The following NFXL1 variants were observed in gnomAD, a reference collection of about 807,000 sequenced individuals.
NFXL1 encodes NF-X1-type zinc finger protein NFXL1.
NFXL1 carries 66 observed loss-of-function variants against 123.3 expected under a neutral mutation model. That is an observed-to-expected ratio of 0.54 (90% CI 0.44 to 0.66). The LOEUF is 0.66. Among genes scored for constraint, NFXL1 ranks in the 30% least tolerant of loss-of-function variants. NFXL1 has a pLI of 0.00. For synonymous variants in NFXL1, 346 were observed against 360.8 expected, an observed-to-expected ratio of 0.96 and a Z score of 0.46; for missense variants, 944 against 1,125.6, an observed-to-expected ratio of 0.84 and a Z score of 2.31.
intron 15 of NFXL1, among the ~76,000 whole-genome samples, chr4:47,881,462 G>A (rs1012167773): frequency 6.6e-6 from 1 of 152,124 alleles, no homozygotes; most frequent in Admixed American, 6.6e-5. Flanking sequence ...TTAGTAAACT[G>A]TTTGACAGCT....
At chr4:47,877,215 G>A (rs1192594813) in intron 17 of NFXL1, 3 of 455,782 alleles carry the variant, frequency 6.6e-6, no homozygotes, top group Admixed American at 4.7e-5. Context: ...AGTATACTTA[G>A]AATATGAGCT....
chr4:47,903,203 G>A lies in NFXL1; in HGVS notation c.637C>T (p.Pro213Ser). ...TDDDFGKKDC[P>S]WPCPKCRFEY... is the part of the protein sequence containing the mutation. ...ATTAGAAAAAGTTACCAAGGCCAGG[G>A]ACAATCTTTCTTTCCAAAATCATCA... Residue 213 changes from proline (P) to serine (S), a missense_variant, in exon 5 of 23, where the codon CCC becomes TCC. Around this residue, in one of 4 missense-constraint regions of NFXL1, gnomAD observed 303 missense variants for 292.1 expected, o/e 1.04. Coordinates refer to ENST00000507489, the MANE Select transcript of NFXL1 (RefSeq NM_001278624.2). 2 of 1,586,152 alleles carry A rather than the reference G, an allele frequency of 1.3e-6. No individual in the cohort carries two copies. The highest frequency in any genetic ancestry group is 1.7e-6 in the Non-Finnish European group (2 of 1,168,694).
In NFXL1 at chr4:47,873,588, G is replaced by T. The variant is rs189550070; in HGVS notation, c.2246+1539C>A. On this transcript the variant is annotated intron_variant, in intron 18 of 22. Coordinates refer to ENST00000507489, the MANE Select transcript of NFXL1 (RefSeq NM_001278624.2). ...TTCTGATCAGTAGGTCTCAACAGTG[G>T]GCTTAAAATATTCAGTAAACCATGC... is the stretch of plus-strand genomic sequence containing the variant. Among the ~76,000 whole-genome samples the T allele has an allele frequency of 8.5e-5, 13 of 152,212 alleles. No homozygotes were observed. The East Asian group carries it at 2.5e-3, about 29-fold the overall frequency.
chr4:47,888,556 A>C (rs1736584589), intron 12 of NFXL1, among the ~76,000 whole-genome samples: 5 of 131,352 alleles, frequency 3.8e-5, no homozygotes, highest in Admixed American at 3.7e-4. Context: ...AAACAAAACA[A>C]ACAAAAAAAC....
rs573705397 is a variant in NFXL1, at chr4:47,899,052, G to T, written c.895C>A (p.Arg299Ser). 21 of 1,611,566 alleles carry T rather than the reference G, an allele frequency of 1.3e-5. No individual in the cohort carries two copies. In the East Asian group the frequency reaches 4.7e-4, roughly 36 times the overall value. Residue 299 changes from arginine (R) to serine (S), a missense_variant, in exon 7 of 23, where the codon CGT (arginine) becomes AGT (serine). Arg to Ser is a moderately radical substitution (Grantham distance 110). Around this residue, in one of 4 missense-constraint regions of NFXL1, gnomAD observed 296 missense variants for 395.1 expected, o/e 0.75. Coordinates refer to ENST00000507489, the MANE Select transcript of NFXL1 (RefSeq NM_001278624.2). ...CYCKKAKPIP[R>S]RCSAKEWSCQ... ...GACCATTCCTTGGCACTGCACCTAC[G>T]AGGGATAGGTTTTGCTTTCTTACAG...
intron 9 of NFXL1, among the ~76,000 whole-genome samples, chr4:47,897,378 T>C (rs1040236564): frequency 6.6e-6 from 1 of 152,184 alleles, no homozygotes; most frequent in Admixed American, 6.5e-5. Context: ...GTGACAAGTA[T>C]TAGAAGTAGT....
rs1733904330 is a variant in NFXL1 at position 47,847,955 on chromosome 4, T to C, written c.*208A>G. On this transcript the variant is annotated 3_prime_UTR_variant, in exon 23 of 23. Coordinates refer to ENST00000507489, the MANE Select transcript of NFXL1 (RefSeq NM_001278624.2). ...TTATGAAATATTTTAGTTTCAGTCA[T>C]GCCTTCACTTTAAAACAGTATTATA... The C allele has an allele frequency of 1.5e-5, 4 of 269,406 alleles. No homozygotes were observed. Among genetic ancestry groups the C allele is most frequent in the Non-Finnish European group, 2.4e-5 (4 of 166,226 alleles). The allele number at this position is 269,406 out of a possible 1,614,324, so 16.7% of individuals were successfully genotyped here.
intron 13 of NFXL1, 96 bp downstream of exon 13, chr4:47,885,783 T>A: frequency 6.9e-7 from 1 of 1,441,858 alleles, no homozygotes; most frequent in Non-Finnish European, 9.5e-7. Context: ...ATATTAATAT[T>A]TTAAAACACT....
intron 22 of NFXL1, among the ~76,000 whole-genome samples, chr4:47,850,193 T>C (rs553715828): frequency 1.3e-5 from 2 of 152,206 alleles, no homozygotes; most frequent in Admixed American, 6.5e-5. Context: ...CCAACTTATG[T>C]TTTACTATTT....
Position 47,875,212 on chromosome 4 carries a change from A to G in NFXL1, c.2161T>C (p.Cys721Arg). ...CAAGGTGGACATTCTCCAGGGTGAC[A>G]TCGCAAAATACATGGGTGAAGACAA... ...LGCLHPCILR[C>R]HPGECPPCVQ... Residue 721 changes from cysteine (C) to arginine (R), a missense_variant, in exon 18 of 23, where the codon TGT (cysteine) becomes CGT (arginine). Around this residue, in one of 4 missense-constraint regions of NFXL1, gnomAD observed 301 missense variants for 348.0 expected, o/e 0.86. Transcript: ENST00000507489. The G allele has an allele frequency of 1.2e-6, 2 of 1,613,348 alleles. No individual in the cohort carries two copies. The highest frequency in any genetic ancestry group is 1.7e-6 in the Non-Finnish European group (2 of 1,179,326).
chr4:47,861,588 C>T (rs1315497702), intron 19 of NFXL1, among the ~76,000 whole-genome samples: 1 of 151,726 alleles, frequency 6.6e-6, no homozygotes, highest in South Asian at 2.1e-4. Flanking sequence ...ACATTCCCAA[C>T]TACTTATTAC....
At chr4:47,857,010 T>C (rs1248100577) in intron 19 of NFXL1, among the ~76,000 whole-genome samples, 1 of 152,200 alleles carries the variant, frequency 6.6e-6, no homozygotes, top group Non-Finnish European at 1.5e-5. Context: ...CTCTATATCC[T>C]CTTTCCTTAA....
Position 47,899,656 on chromosome 4 carries a change from G to C in NFXL1, c.648-108C>G, listed in dbSNP as rs1737277446. ...TTCTGTTAAATTAGTTTTATGTTAA[G>C]GAACTCTGCTCCATCTTTGTGTTAG... On this transcript the variant is annotated intron_variant, in intron 5 of 22. Coordinates refer to ENST00000507489, the MANE Select transcript of NFXL1 (RefSeq NM_001278624.2). The C allele has an allele frequency of 5.9e-6, 4 of 673,402 alleles. No individual in the cohort carries two copies. In the East Asian group the frequency reaches 1.1e-4, roughly 18 times the overall value. The allele number at this position is 673,402 out of a possible 1,614,324, so 41.7% of individuals were successfully genotyped here. A position where few individuals can be genotyped will look rare whatever the true frequency, so the allele number is the denominator to read the frequency against.
chr4:47,869,676 C>A (rs1178205036), intron 18 of NFXL1, among the ~76,000 whole-genome samples: 3 of 151,984 alleles, frequency 2.0e-5, no homozygotes, highest in Non-Finnish European at 4.4e-5. Context: ...GAATTAAATT[C>A]TCAATTCTTC....
chr4:47,898,303 T>C (rs373347897), intron 8 of NFXL1, among the ~76,000 whole-genome samples: 2 of 152,174 alleles, frequency 1.3e-5, no homozygotes, highest in Admixed American at 6.6e-5. Context: ...AAAAAGTATA[T>C]TTTAAAAGTA....
intron 18 of NFXL1, among the ~76,000 whole-genome samples, chr4:47,868,033 G>C (rs974915360): frequency 6.6e-6 from 1 of 152,112 alleles, no homozygotes; most frequent in Non-Finnish European, 1.5e-5. Context: ...AAGAAAAAAA[G>C]GGCTGGGCGC....
At chr4:47,851,034 G>A in intron 22 of NFXL1, 61 bp downstream of exon 22, 2 of 1,264,718 alleles carry the variant, frequency 1.6e-6, no homozygotes, top group Non-Finnish European at 2.3e-6. Context: ...TATACCCCGT[G>A]TTTGCACAAA....
Position 47,885,409 on chromosome 4 carries a change from T to G in NFXL1, c.1824+89A>C, listed in dbSNP as rs1037768233. On this transcript the variant is annotated intron_variant, in intron 14 of 22. Transcript: ENST00000507489. ...AAGCACAGTGCTTCCCAATAAGTGC[T>G]TAATCATTGCTCATTGAAAAACTAA... The G allele has an allele frequency of 1.3e-5, 14 of 1,079,002 alleles. No individual in the cohort carries two copies. The African/African-American group carries it at 2.2e-4, about 17-fold the overall frequency. 66.8% of individuals were successfully genotyped at this position (1,079,002 alleles called of 1,614,324 possible).
At chr4:47,882,309 C>T (rs913035423) in intron 15 of NFXL1, 1 of 152,108 alleles carries the variant, frequency 6.6e-6, no homozygotes, top group South Asian at 2.1e-4. Context: ...GAGAAGTTTC[C>T]TTACCCTTTA....
Sources: allele counts gnomAD v4.1 joint callset (sites outside exome capture counted in the v4.1 genomes callset), GRCh38; gene constraint gnomAD v4.1.1; regional missense constraint gnomAD v4.1.1; transcripts MANE v1.5; gene names NCBI Gene and HGNC (gene_info 2026-07-23, HGNC 2026-07-21).